POU6F2: variants seen among roughly 807,000 people sequenced by gnomAD.
POU6F2 encodes POU domain, class 6, transcription factor 2.
POU6F2 carries 31 observed loss-of-function variants against 71.3 expected under a neutral mutation model. The observed-to-expected ratio is 0.43, with a 90% CI of 0.33 to 0.59. The LOEUF is 0.59. Among genes scored for constraint, POU6F2 ranks in the 20% least tolerant of loss-of-function variants. POU6F2 has a pLI of 0.04. For synonymous variants in POU6F2, 347 were observed against 355.7 expected (o/e 0.98, Z 0.27); for missense variants, 783 against 856.8 (o/e 0.91, Z 1.07).
At chr7:39,364,884 G>C (rs1786466864) in intron 5 of POU6F2, among the ~76,000 whole-genome samples, 1 of 152,154 alleles carries the variant, frequency 6.6e-6, no homozygotes, top group Admixed American at 6.5e-5. Context: ...ATTCCTACCA[G>C]CAGTGTGGAA....
At chr7:39,086,832 G>A (rs1791255503) in intron 2 of POU6F2, among the ~76,000 whole-genome samples, 1 of 152,138 alleles carries the variant, frequency 6.6e-6, no homozygotes, top group African/African-American at 2.4e-5. Context: ...GGTTGTTGAG[G>A]CGCGTGCCTG....
chr7:39,333,441 A>T (rs1306042361), intron 4 of POU6F2, among the ~76,000 whole-genome samples: 1 of 152,094 alleles, frequency 6.6e-6, no homozygotes, highest in African/African-American at 2.4e-5. Context: ...CAATTTGTTT[A>T]AAAGAAATAG....
intron 1 of POU6F2, among the ~76,000 whole-genome samples, chr7:39,039,149 G>T (rs1453098578): frequency 6.6e-6 from 1 of 151,822 alleles, no homozygotes; most frequent in Non-Finnish European, 1.5e-5. Context: ...GTAGTTTATT[G>T]GTTCCAAGAT....
At chr7:39,021,748 T>A (rs930613001) in intron 1 of POU6F2, among the ~76,000 whole-genome samples, 4 of 152,170 alleles carry the variant, frequency 2.6e-5, no homozygotes, top group African/African-American at 9.6e-5. Flanking sequence ...CCTTTCATTT[T>A]AAAATGTATA....
intron 4 of POU6F2, among the ~76,000 whole-genome samples, chr7:39,241,307 T>C (rs1013704695): frequency 3.9e-5 from 6 of 152,124 alleles, no homozygotes; most frequent in African/African-American, 1.4e-4. Context: ...TAAATATCTG[T>C]TTAATAAATA....
At chr7:39,443,245 C>T (rs1788447284) in intron 7 of POU6F2, among the ~76,000 whole-genome samples, 1 of 152,168 alleles carries the variant, frequency 6.6e-6, no homozygotes. Context: ...GGGGATGTAC[C>T]TTGCAAATCC....
chr7:39,207,323 G>C, intron 3 of POU6F2, 69 bp from the exon 4 acceptor site: 1 of 1,444,270 alleles, frequency 6.9e-7, no homozygotes, highest in Non-Finnish European at 9.5e-7. Context: ...TAAGTGGAAA[G>C]AAGATGTTTT....
At chr7:39,062,617 C>T (rs1790680232) in intron 1 of POU6F2, among the ~76,000 whole-genome samples, 2 of 148,704 alleles carry the variant, frequency 1.3e-5, no homozygotes, top group South Asian at 4.4e-4. Flanking sequence ...AACATCAGAG[C>T]GTCAGGAAGA....
At chr7:39,009,432 T>C (rs1462380633) in intron 1 of POU6F2, among the ~76,000 whole-genome samples, 1 of 152,186 alleles carries the variant, frequency 6.6e-6, no homozygotes, top group Non-Finnish European at 1.5e-5. Context: ...GCTGAGACAA[T>C]GGGGTTTTCT....
At chr7:39,420,624 A>G (rs1371514735) in intron 6 of POU6F2, among the ~76,000 whole-genome samples, 1 of 152,194 alleles carries the variant, frequency 6.6e-6, no homozygotes, top group Non-Finnish European at 1.5e-5. Context: ...CAATTTTTTT[A>G]GCAAAGTTAA....
At position 39,423,613 on chromosome 7, in the gene POU6F2, C is replaced by A. The variant is rs79967982; in HGVS notation, c.1114-9464C>A. Among the ~76,000 whole-genome samples, 935 of 152,222 alleles carry A rather than the reference C, an allele frequency of 6.1e-3. 6 individuals carry two copies. Among genetic ancestry groups the A allele is most frequent in the African/African-American group, 0.022 (899 of 41,528 alleles). On this transcript the variant is annotated intron_variant, in intron 6 of 9. Coordinates refer to ENST00000518318, the MANE Select transcript of POU6F2 (RefSeq NM_001370959.1). ...AAAATGCTGCCACTGTCTATACTGG[C>A]GTACATTTAATATGTAATTATTAAT...
At chr7:39,282,877 A>G (rs1303174439) in intron 4 of POU6F2, among the ~76,000 whole-genome samples, 4 of 152,250 alleles carry the variant, frequency 2.6e-5, no homozygotes, top group Non-Finnish European at 5.9e-5. Context: ...GGGTAGTATG[A>G]ACATTTTAAT....
intron 4 of POU6F2, among the ~76,000 whole-genome samples, chr7:39,233,431 TAAC>T (rs561419779): frequency 1.2e-3 from 186 of 152,290 alleles, no homozygotes; most frequent in African/African-American, 4.4e-3. Flanking sequence ...ATTTAATTAA[TAAC>T]TATTTTAGAA....
chr7:39,099,045 A>C (rs1031851477), intron 2 of POU6F2, among the ~76,000 whole-genome samples: 2 of 152,130 alleles, frequency 1.3e-5, no homozygotes, highest in Non-Finnish European at 2.9e-5. Flanking sequence ...TTTCTCTTCA[A>C]GTTCATTCAG....
At chr7:39,067,636 C>T (rs1295833178) in intron 1 of POU6F2, among the ~76,000 whole-genome samples, 3 of 151,922 alleles carry the variant, frequency 2.0e-5, no homozygotes, top group African/African-American at 4.8e-5. Context: ...GTGTCAAAAT[C>T]AAGTATGTAT....
rs747217745 is a variant in POU6F2, at chr7:39,085,956, G to A, written c.202G>A (p.Asp68Asn). The A allele has an allele frequency of 3.7e-6, 6 of 1,613,634 alleles. No individual in the cohort carries two copies. The Middle Eastern group carries it at 4.9e-4, about 133-fold the overall frequency. ...LRGEDKAATS[D>N]SELNEPLLAP... ...AGGTGAGGACAAGGCTGCTACTTCA[G>A]ACAGCGAGCTGAATGAGCCCCTGCT... Residue 68 changes from aspartate to asparagine, a missense_variant, in exon 2 of 10, where the codon GAC (aspartate) becomes AAC (asparagine). Physicochemically the swap from Asp to Asn is conservative, Grantham distance 23. Around this residue, in one of 2 missense-constraint regions of POU6F2, gnomAD observed 572 missense variants for 572.9 expected, o/e 1.00. Coordinates refer to ENST00000518318, the MANE Select transcript of POU6F2 (RefSeq NM_001370959.1).
chr7:39,193,834 G>A (rs1442972538), intron 2 of POU6F2, among the ~76,000 whole-genome samples: 2 of 152,172 alleles, frequency 1.3e-5, no homozygotes, highest in South Asian at 2.1e-4. Context: ...TGCCAAACAG[G>A]CAGTGAGTTA....
At position 39,081,827 on chromosome 7, in the gene POU6F2, G is replaced by C. The variant is rs191690734; in HGVS notation, c.106-4033G>C. Reference sequence around the variant, plus strand: ...TCATCCAAAATCTGGGATACCCCATGAATTACTAAGTCCATAAGCCTTGAA... The same window carrying C: ...TCATCCAAAATCTGGGATACCCCATCAATTACTAAGTCCATAAGCCTTGAA... On this transcript the variant is annotated intron_variant, in intron 1 of 9. Coordinates refer to ENST00000518318, the MANE Select transcript of POU6F2 (RefSeq NM_001370959.1). Among the ~76,000 whole-genome samples, 3 of 152,310 alleles carry C rather than the reference G, an allele frequency of 2.0e-5. No homozygotes were observed. The South Asian group carries it at 6.2e-4, about 32-fold the overall frequency.
chr7:39,403,917 T>C (rs983364433), intron 5 of POU6F2, among the ~76,000 whole-genome samples: 1 of 152,194 alleles, frequency 6.6e-6, no homozygotes, highest in Non-Finnish European at 1.5e-5. Flanking sequence ...CACACCACAC[T>C]CCGTGACTGT....
Sources: allele counts gnomAD v4.1 joint callset (sites outside exome capture counted in the v4.1 genomes callset), GRCh38; gene constraint gnomAD v4.1.1; regional missense constraint gnomAD v4.1.1; transcripts MANE v1.5; gene names NCBI Gene and HGNC (gene_info 2026-07-23, HGNC 2026-07-21).